LPP: variants seen among roughly 807,000 people sequenced by gnomAD.
The protein encoded by LPP is lipoma-preferred partner.
LPP carries 38 observed loss-of-function variants against 60.4 expected under a neutral mutation model. That is an observed-to-expected ratio of 0.63 (90% CI 0.49 to 0.83). The LOEUF (loss-of-function observed/expected upper bound fraction) is 0.83, where lower values mean the gene tolerates loss of function less well. LPP is among the 40% of genes least tolerant of loss of function. The probability of loss-of-function intolerance (pLI) is 0.00; values close to 1 mark genes in which losing one functional copy is unlikely to be tolerated. For missense variants in LPP, 902 were observed against 783.6 expected (o/e 1.15, Z -1.80); for synonymous variants, 328 against 290.8 (o/e 1.13, Z -1.30).
intron 5 of LPP, among the ~76,000 whole-genome samples, chr3:188,519,464 A>G (rs577721901): frequency 1.3e-5 from 2 of 152,326 alleles, no homozygotes; most frequent in South Asian, 2.1e-4. Context: ...ATAAAAAGAC[A>G]TATCATTTTA....
rs183396552 is a variant in LPP, at chr3:188,182,345, G to A, written c.-190+28093G>A. Among the ~76,000 whole-genome samples the A allele has an allele frequency of 7.9e-5, 12 of 152,302 alleles. No individual in the cohort carries two copies. Among genetic ancestry groups the A allele is most frequent in the African/African-American group, 2.4e-4 (10 of 41,576 alleles). On this transcript the variant is annotated intron_variant, in intron 1 of 11. Transcript: ENST00000617246. The surrounding 1 kb of genome is among the most constrained non-coding windows in gnomAD (Gnocchi z 4.4). ...TGCTGAAAGTTTGAGAAGCATTACT[G>A]TAGAGCTCACCTCTGCTATATTCAT...
upstream of LPP, chr3:188,153,592 C>T (rs1415953797): frequency 1.3e-5 from 2 of 152,484 alleles, no homozygotes; most frequent in East Asian, 1.9e-4. Flanking sequence ...CCCTCTTTCT[C>T]TTCCTCCTTT....
At position 188,386,359 on chromosome 3, in the gene LPP, G is replaced by A. The variant is rs1038321903; in HGVS notation, c.-9-19753G>A. Among the ~76,000 whole-genome samples, 7 of 151,090 alleles carry A rather than the reference G, an allele frequency of 4.6e-5. 1 individual carries two copies. Among genetic ancestry groups the A allele is most frequent in the Admixed American group, 4.6e-4 (7 of 15,124 alleles). On this transcript the variant is annotated intron_variant, in intron 3 of 11. Transcript: ENST00000617246. ...TATTCTCTACTGTCTTTCAGTAGAT[G>A]ATTTCTTTTACCTTGTTCCTTTCTA...
chr3:188,524,845 A>T, intron 6 of LPP, 58 bp downstream of exon 6: 1 of 1,544,948 alleles, frequency 6.5e-7, no homozygotes, highest in Non-Finnish European at 8.8e-7. Flanking sequence ...TACTCTTATC[A>T]GAAAGAACAT....
At chr3:188,278,728 G>A (rs1238569437) in intron 2 of LPP, among the ~76,000 whole-genome samples, 2 of 152,030 alleles carry the variant, frequency 1.3e-5, no homozygotes, top group Admixed American at 1.3e-4. Flanking sequence ...AGATCTAGGG[G>A]CATTCTCGAG....
At chr3:188,260,895 C>T (rs570701120) in intron 2 of LPP, among the ~76,000 whole-genome samples, 4 of 151,962 alleles carry the variant, frequency 2.6e-5, no homozygotes, top group African/African-American at 7.2e-5. Flanking sequence ...ATTAGCAGGG[C>T]GTGGTGGTGC....
At chr3:188,347,133 T>C (rs914177067) in intron 3 of LPP, among the ~76,000 whole-genome samples, 3 of 152,150 alleles carry the variant, frequency 2.0e-5, no homozygotes, top group African/African-American at 7.2e-5. Flanking sequence ...AAAATCTGGA[T>C]TTAAATCCGG....
At chr3:188,315,869 A>G (rs1034081165) in intron 2 of LPP, among the ~76,000 whole-genome samples, 4 of 152,250 alleles carry the variant, frequency 2.6e-5, no homozygotes, top group African/African-American at 9.6e-5. Flanking sequence ...GAATAAGAAC[A>G]TATTAGACAT....
intron 5 of LPP, among the ~76,000 whole-genome samples, chr3:188,503,329 C>T (rs1812466908): frequency 6.6e-6 from 1 of 152,078 alleles, no homozygotes; most frequent in Non-Finnish European, 1.5e-5. Context: ...TAATTTAATA[C>T]ACTCATTTCT....
At chr3:188,611,358 A>G (rs907354055) in intron 7 of LPP, among the ~76,000 whole-genome samples, 1 of 152,258 alleles carries the variant, frequency 6.6e-6, no homozygotes, top group Admixed American at 6.5e-5. Context: ...GAATTTGTCC[A>G]TAATAGCCAA....
chr3:188,530,679 A>C (rs949637139), intron 6 of LPP, among the ~76,000 whole-genome samples: 1 of 152,184 alleles, frequency 6.6e-6, no homozygotes, highest in Non-Finnish European at 1.5e-5. Context: ...GGTTTCCTTT[A>C]GTATCACAAT....
chr3:188,294,882 T>C (rs1040542313), intron 2 of LPP, among the ~76,000 whole-genome samples: 3 of 152,266 alleles, frequency 2.0e-5, no homozygotes, highest in Admixed American at 6.5e-5. Context: ...GCTTAGGAGG[T>C]GCCGTTCGAG....
At chr3:188,240,342 AGTGTGTGTGT>A (rs75173733) in intron 2 of LPP, among the ~76,000 whole-genome samples, 3 of 143,660 alleles carry the variant, frequency 2.1e-5, no homozygotes, top group Non-Finnish European at 4.6e-5. Context: ...TTTGGGTAAG[AGTGTGTGTGT>A]GTGTGTGTGT....
chr3:188,773,077 C>T (rs1311196757), intron 9 of LPP, among the ~76,000 whole-genome samples: 1 of 152,162 alleles, frequency 6.6e-6, no homozygotes, highest in Non-Finnish European at 1.5e-5. Context: ...CACTCAAGGT[C>T]AAACACACTG....
chr3:188,263,132 G>A (rs191459185), intron 2 of LPP, among the ~76,000 whole-genome samples: 49 of 152,178 alleles, frequency 3.2e-4, no homozygotes, highest in Admixed American at 1.6e-3. Flanking sequence ...TCCTCGGCCC[G>A]GAAATCAGAT....
At chr3:188,507,453 GA>G (rs953968652) in intron 5 of LPP, among the ~76,000 whole-genome samples, 88 of 151,804 alleles carry the variant, frequency 5.8e-4, no homozygotes, top group Admixed American at 5.0e-3. Context: ...TCGAAAGGGG[GA>G]AAAAATAAAT....
intron 9 of LPP, among the ~76,000 whole-genome samples, chr3:188,851,370 C>T (rs1762638179): frequency 6.6e-6 from 1 of 152,198 alleles, no homozygotes. Context: ...AATAATACTA[C>T]ATGCTTTTGA....
chr3:188,570,876 C>G (rs1336201955), intron 6 of LPP, among the ~76,000 whole-genome samples: 2 of 151,806 alleles, frequency 1.3e-5, no homozygotes, highest in East Asian at 1.9e-4. Flanking sequence ...ATATTCTCCT[C>G]CTAAGCAATT....
chr3:188,236,880 T>G (rs376835142), intron 2 of LPP, among the ~76,000 whole-genome samples: 3 of 152,242 alleles, frequency 2.0e-5, no homozygotes, highest in African/African-American at 7.2e-5. Context: ...TTTCTGAAAG[T>G]GAGACAACAA....
Sources: allele counts gnomAD v4.1 joint callset (sites outside exome capture counted in the v4.1 genomes callset), GRCh38; gene constraint gnomAD v4.1.1; non-coding constraint Gnocchi (gnomAD v3.1); transcripts MANE v1.5; gene names NCBI Gene and HGNC (gene_info 2026-07-23, HGNC 2026-07-21).